The following PTPRN2 variants were observed in gnomAD, a reference collection of about 807,000 sequenced individuals.
PTPRN2 encodes receptor-type tyrosine-protein phosphatase N2.
In PTPRN2, 74 loss-of-function variants were observed where a neutral mutation model predicts 118.8. The ratio of observed to expected loss-of-function variants is 0.62; its 90% confidence interval spans 0.52 to 0.76. The LOEUF (loss-of-function observed/expected upper bound fraction) is 0.76. PTPRN2 is among the 30% of genes least tolerant of loss of function. The pLI is 0.00. For synonymous variants in PTPRN2, 641 were observed against 608.0 expected, an observed-to-expected ratio of 1.05 and a Z score of -0.80; for missense variants, 1,481 against 1,394.4, an observed-to-expected ratio of 1.06 and a Z score of -0.99.
intron 9 of PTPRN2, among the ~76,000 whole-genome samples, chr7:158,132,841 TAC>T (rs144989357): frequency 0.011 from 1,612 of 146,144 alleles, 11 homozygotes; most frequent in Non-Finnish European, 0.014. Context: ...TACACACTCA[TAC>T]ACACACACAC....
At chr7:158,184,683 G>A (rs549772218) in intron 5 of PTPRN2, among the ~76,000 whole-genome samples, 68 of 152,240 alleles carry the variant, frequency 4.5e-4, no homozygotes, top group Admixed American at 6.5e-4. Flanking sequence ...ATGGTGGTGG[G>A]TGCCTATAAT....
rs865787763 is a variant in PTPRN2, at chr7:158,386,048, C to T, written c.164-69116G>A. On this transcript the variant is annotated intron_variant, in intron 2 of 22. Coordinates refer to ENST00000389418, the MANE Select transcript of PTPRN2 (RefSeq NM_002847.5). ...CTCCCGTGCCCCGAGTCCCTCCTCC[C>T]GTGCCGAGTCCCTCCTTCTGTACCC... 7.9e-4 allele frequency among the ~76,000 whole-genome samples: 67 copies of T among 84,504 alleles called. 1 individual carries two copies. The highest frequency in any genetic ancestry group is 3.4e-3 in the African/African-American group (63 of 18,472). The allele number at this position is 84,504 out of a possible 152,430, so 55.4% of individuals were successfully genotyped here.
At chr7:158,449,533 C>G (rs1452308342) in intron 2 of PTPRN2, among the ~76,000 whole-genome samples, 1 of 149,932 alleles carries the variant, frequency 6.7e-6, no homozygotes, top group Non-Finnish European at 1.5e-5. Context: ...GGGCCGAGTC[C>G]AAACAAACAC....
rs1804089321 is a variant in PTPRN2, at chr7:157,787,041, G to C, written c.1789-104104C>G. Among the ~76,000 whole-genome samples, 1 of 147,162 alleles carries C rather than the reference G, an allele frequency of 6.8e-6. No homozygotes were observed. The highest frequency in any genetic ancestry group is 2.1e-4 in the South Asian group (1 of 4,754). ...GGACACAGGTGCGGCGGGGGACGCGGGGGTGGCTGCCCGGGAGGCGGACGC... is the reference window on the plus strand; with the variant it reads ...GGACACAGGTGCGGCGGGGGACGCGCGGGTGGCTGCCCGGGAGGCGGACGC... On this transcript the variant is annotated intron_variant, in intron 12 of 22. Transcript: ENST00000389418. This position sits in a 1 kb window ranked among gnomAD's most constrained non-coding sequence, Gnocchi z 5.3.
intron 10 of PTPRN2, among the ~76,000 whole-genome samples, chr7:158,109,736 T>C (rs1008533841): frequency 1.5e-4 from 22 of 148,726 alleles, no homozygotes; most frequent in Non-Finnish European, 3.0e-5. Flanking sequence ...GTGTGATGAG[T>C]CACTGAGTGA....
intron 12 of PTPRN2, among the ~76,000 whole-genome samples, chr7:157,827,425 C>T (rs569563412): frequency 4.0e-4 from 58 of 145,398 alleles, no homozygotes; most frequent in African/African-American, 1.4e-3. Context: ...TGGGCCGTGG[C>T]TGTCTGGAGG....
Position 157,794,953 on chromosome 7 carries a change from T to C in PTPRN2, c.1788+103720A>G, listed in dbSNP as rs1804770046. On this transcript the variant is annotated intron_variant, in intron 12 of 22. Transcript: ENST00000389418. The surrounding 1 kb of genome is among the most constrained non-coding windows in gnomAD (Gnocchi z 5.2). The stretch of plus-strand genomic sequence containing the variant: ...AAGAGGCCAGAGTGCTTCCCTCACT[T>C]AGCGGGGATGCAATTATAAAGTATT... Among the ~76,000 whole-genome samples, 1 of 152,216 alleles carries C rather than the reference T, an allele frequency of 6.6e-6. No homozygotes were observed. The highest frequency in any genetic ancestry group is 1.5e-5 in the Non-Finnish European group (1 of 68,042).
In PTPRN2 at chr7:157,734,445, C is replaced by T. The variant is rs112301954; in HGVS notation, c.1789-51508G>A. Among the ~76,000 whole-genome samples the T allele has an allele frequency of 1.5e-3, 233 of 152,330 alleles. 1 individual carries two copies. The highest frequency in any genetic ancestry group is 5.6e-3 in the African/African-American group (231 of 41,564). On this transcript the variant is annotated intron_variant, in intron 12 of 22. Coordinates refer to ENST00000389418, the MANE Select transcript of PTPRN2 (RefSeq NM_002847.5). The stretch of plus-strand genomic sequence containing the variant: ...CTTTTCAAACAAGATTTATACACAC[C>T]TTCAGGAGCAAGCATGCTTGAATAT...
intron 11 of PTPRN2, among the ~76,000 whole-genome samples, chr7:158,071,404 TG>T (rs1811570147): frequency 9.4e-6 from 1 of 106,234 alleles, no homozygotes; most frequent in Non-Finnish European, 2.0e-5. Context: ...GTGCTCGTGG[TG>T]GAGTTGCTCC....
chr7:158,269,811 G>A (rs561307888), intron 3 of PTPRN2, among the ~76,000 whole-genome samples: 1 of 152,154 alleles, frequency 6.6e-6, no homozygotes, highest in South Asian at 2.1e-4. Context: ...GAGGGACAGA[G>A]ACAGAGATAG....
In PTPRN2 at chr7:158,123,535, C is replaced by T. The variant is rs115582936; in HGVS notation, c.1556+10142G>A. On this transcript the variant is annotated intron_variant, in intron 9 of 22. Transcript: ENST00000389418. ...CTTTGTGCACCCAAACTGAACCTTC[C>T]TCCTGCGGACCGCCATGCAGCCCCG... 5.9e-3 allele frequency among the ~76,000 whole-genome samples: 899 copies of T among 152,266 alleles called. 12 individuals are homozygous for T. Among genetic ancestry groups the T allele is most frequent in the African/African-American group, 0.019 (796 of 41,544 alleles).
At chr7:158,018,980 A>C (rs1393582305) in intron 11 of PTPRN2, among the ~76,000 whole-genome samples, 11 of 143,402 alleles carry the variant, frequency 7.7e-5, no homozygotes, top group African/African-American at 2.0e-4. Flanking sequence ...AAAAAAAAAA[A>C]AAAAAAAAAA....
chr7:158,373,264 C>T (rs1326889522), intron 2 of PTPRN2, among the ~76,000 whole-genome samples: 2 of 152,222 alleles, frequency 1.3e-5, no homozygotes, highest in Admixed American at 6.5e-5. Context: ...GACCTCGGGG[C>T]CCGGCCTATT....
intron 5 of PTPRN2, among the ~76,000 whole-genome samples, chr7:158,179,187 T>C (rs1441402333): frequency 6.6e-6 from 1 of 152,256 alleles, no homozygotes; most frequent in Non-Finnish European, 1.5e-5. Flanking sequence ...GACTTTTTAA[T>C]AATAGTCATT....
intron 2 of PTPRN2, among the ~76,000 whole-genome samples, chr7:158,488,493 C>T (rs1209014546): frequency 6.6e-6 from 1 of 152,178 alleles, no homozygotes; most frequent in Non-Finnish European, 1.5e-5. Context: ...CCCCCAGCCC[C>T]AAAATTCCAT....
chr7:157,853,932 C>T (rs1172775271), intron 12 of PTPRN2, among the ~76,000 whole-genome samples: 3 of 152,164 alleles, frequency 2.0e-5, no homozygotes, highest in East Asian at 1.9e-4. Context: ...GGACACGGGG[C>T]AGCCACAGGG....
chr7:157,610,696 T>C lies in PTPRN2; in HGVS notation c.2345-6621A>G, dbSNP rs958364335. 6.6e-6 allele frequency among the ~76,000 whole-genome samples: 1 copy of C among 152,212 alleles called. No individual in the cohort carries two copies. Among genetic ancestry groups the C allele is most frequent in the African/African-American group, 2.4e-5 (1 of 41,452 alleles). On this transcript the variant is annotated intron_variant, in intron 15 of 22. Coordinates refer to ENST00000389418, the MANE Select transcript of PTPRN2 (RefSeq NM_002847.5). The surrounding 1 kb of genome is among the most constrained non-coding windows in gnomAD (Gnocchi z 5.1). ...GATCGGACCACGTTTGTTTCAATACTCTGAGAAGCTACATGGGCTTGATTC... is the reference window on the plus strand; with the variant it reads ...GATCGGACCACGTTTGTTTCAATACCCTGAGAAGCTACATGGGCTTGATTC...
chr7:157,895,342 G>A (rs1368309573), intron 12 of PTPRN2, among the ~76,000 whole-genome samples: 47 of 100,692 alleles, frequency 4.7e-4, no homozygotes, highest in African/African-American at 1.3e-3. Context: ...AAGCCAGAGG[G>A]TCTGAACGAG....
rs548074258 is a variant in PTPRN2, at chr7:157,553,434, C to T, written c.2903-4415G>A. Among the ~76,000 whole-genome samples, 4 of 152,328 alleles carry T rather than the reference C, an allele frequency of 2.6e-5. No homozygotes were observed. In the South Asian group the frequency reaches 8.3e-4, roughly 32 times the overall value. On this transcript the variant is annotated intron_variant, in intron 21 of 22. Transcript: ENST00000389418. ...GGGCTCTCCCTCCGCGTGCACTGAT[C>T]TCTGGAGATGGCTGTTGCTGGCGGC...
Sources: allele counts gnomAD v4.1 joint callset (sites outside exome capture counted in the v4.1 genomes callset), GRCh38; gene constraint gnomAD v4.1.1; non-coding constraint Gnocchi (gnomAD v3.1); transcripts MANE v1.5; gene names NCBI Gene and HGNC (gene_info 2026-07-23, HGNC 2026-07-21).